Variants in EGFR observed in about 807,000 individuals in gnomAD.
EGFR encodes the protein epidermal growth factor receptor.
EGFR carries 58 observed loss-of-function variants against 143.0 expected under a neutral mutation model. The observed-to-expected ratio is 0.41, with a 90% confidence interval of 0.33 to 0.50. The LOEUF is 0.50. EGFR is among the 20% of genes least tolerant of loss of function. EGFR has a pLI of 0.39. For synonymous variants in EGFR, 613 were observed against 594.4 expected, an observed-to-expected ratio of 1.03 and a Z score of -0.45; for missense variants, 1,307 against 1,579.0, an observed-to-expected ratio of 0.83 and a Z score of 2.92.
intron 12 of EGFR, among the ~76,000 whole-genome samples, chr7:55,160,725 G>T (rs1347254378): frequency 1.3e-5 from 2 of 152,314 alleles, no homozygotes; most frequent in South Asian, 2.1e-4. Flanking sequence ...TCCTGTTCTG[G>T]CTCTAGAGCC....
At chr7:55,121,522 G>T (rs17172445) in intron 1 of EGFR, among the ~76,000 whole-genome samples, 3,395 of 152,332 alleles carry the variant, frequency 0.022, 55 homozygotes, top group Middle Eastern at 0.044. Context: ...ATTTGTCCTA[G>T]TAGCCAGCAG....
chr7:55,206,207 G>A lies in EGFR; in HGVS notation c.*590G>A, dbSNP rs1002622880. 25 of 241,280 alleles carry A rather than the reference G, an allele frequency of 1.0e-4. No homozygotes were observed. The highest frequency in any genetic ancestry group is 5.5e-4 in the African/African-American group (25 of 45,252). 14.9% of individuals were successfully genotyped at this position (241,280 alleles called of 1,614,324 possible). On this transcript the variant is annotated 3_prime_UTR_variant, in exon 28 of 28. Coordinates refer to ENST00000275493, the MANE Select transcript of EGFR (RefSeq NM_005228.5). The stretch of plus-strand genomic sequence containing the variant: ...TATCAAGTCATGGCAGGTACAGTAG[G>A]ATAAGCCACTCTGTCCCTTCCTGGG...
At chr7:55,135,514 G>T (rs1794085117) in intron 1 of EGFR, among the ~76,000 whole-genome samples, 1 of 152,092 alleles carries the variant, frequency 6.6e-6, no homozygotes, top group East Asian at 1.9e-4. Flanking sequence ...ATAAAATAGG[G>T]TAAAATAAGG....
At chr7:55,074,862 CA>C (rs1790047086) in intron 1 of EGFR, among the ~76,000 whole-genome samples, 1 of 152,206 alleles carries the variant, frequency 6.6e-6, no homozygotes, top group South Asian at 2.1e-4. Context: ...ATCATTTCAA[CA>C]AAACATTATT....
At chr7:55,034,034 G>A (rs1331718082) in intron 1 of EGFR, among the ~76,000 whole-genome samples, 2 of 151,954 alleles carry the variant, frequency 1.3e-5, no homozygotes, top group Non-Finnish European at 1.5e-5. Flanking sequence ...AGCAGACATG[G>A]CAATGATGGC....
At chr7:55,202,727 C>T in intron 27 of EGFR, 102 bp downstream of exon 27, 1 of 1,056,390 alleles carries the variant, frequency 9.5e-7, no homozygotes, top group Non-Finnish European at 1.4e-6. Context: ...TCCAGCATCT[C>T]CAGAGGGGGA....
intron 2 of EGFR, among the ~76,000 whole-genome samples, chr7:55,142,958 T>C (rs142716455): frequency 5.3e-5 from 8 of 152,368 alleles, no homozygotes; most frequent in African/African-American, 1.9e-4. Flanking sequence ...TTACCTTTCC[T>C]TTTTAAATAA....
intron 1 of EGFR, among the ~76,000 whole-genome samples, chr7:55,077,867 T>C (rs1790220767): frequency 6.6e-6 from 1 of 152,156 alleles, no homozygotes; most frequent in African/African-American, 2.4e-5. Context: ...TCCGAAGAGC[T>C]GGACATTGAA....
intron 27 of EGFR, among the ~76,000 whole-genome samples, chr7:55,203,324 TAC>T (rs561535097): frequency 2.4e-5 from 3 of 122,850 alleles, no homozygotes; most frequent in East Asian, 2.7e-4. Context: ...ACACACCACA[TAC>T]ACACACGTAT....
chr7:55,181,753 T>G, intron 20 of EGFR: 1 of 516,804 alleles, frequency 1.9e-6, no homozygotes, highest in Non-Finnish European at 3.5e-6. Flanking sequence ...TCTCTGTTCT[T>G]ATTTCTCTGG....
At chr7:55,114,774 A>G (rs943762847) in intron 1 of EGFR, among the ~76,000 whole-genome samples, 1 of 152,052 alleles carries the variant, frequency 6.6e-6, no homozygotes, top group African/African-American at 2.4e-5. Context: ...TTCTGGCATT[A>G]CAAAAAATTC....
At chr7:55,057,478 C>T (rs1788898704) in intron 1 of EGFR, among the ~76,000 whole-genome samples, 1 of 152,220 alleles carries the variant, frequency 6.6e-6, no homozygotes, top group African/African-American at 2.4e-5. Context: ...AAAACTCCAT[C>T]TACTCTTCCA....
chr7:55,157,426 C>G (rs1385813784), intron 10 of EGFR, among the ~76,000 whole-genome samples: 2 of 152,194 alleles, frequency 1.3e-5, no homozygotes, highest in Admixed American at 6.5e-5. Flanking sequence ...GCCAGGGGGG[C>G]GGCGGGAGAC....
In EGFR at chr7:55,205,889, G is replaced by T; in HGVS notation, c.*272G>T. 2.0e-6 allele frequency: 1 copy of T among 489,314 alleles called. No homozygotes were observed. The highest frequency in any genetic ancestry group is 3.6e-6 in the Non-Finnish European group (1 of 281,396). 30.3% of individuals were successfully genotyped at this position (489,314 alleles called of 1,614,324 possible). On this transcript the variant is annotated 3_prime_UTR_variant, in exon 28 of 28. Coordinates refer to ENST00000275493, the MANE Select transcript of EGFR (RefSeq NM_005228.5). ...TGAGCAGAAATTTATCTTTCAAAGA[G>T]GTATATTTGAAAAAAAAAAAAAGTA... is the stretch of plus-strand genomic sequence containing the variant.
rs778011429 is a variant in EGFR at position 55,165,338 on chromosome 7, C to G, written c.1781C>G (p.Thr594Ser). ...HYIDGPHCVK[T>S]CPAGVMGENN... is the part of the protein sequence containing the mutation. ...ATTGACGGCCCCCACTGCGTCAAGA[C>G]CTGCCCGGCAGGAGTCATGGGAGAA... Residue 594 changes from threonine to serine, a missense_variant, in exon 15 of 28, where the codon ACC (threonine) becomes AGC (serine). Physicochemically the swap from Thr to Ser is moderately conservative, Grantham distance 58 (BLOSUM62 1). Transcript: ENST00000275493. 6.2e-7 allele frequency: 1 copy of G among 1,614,206 alleles called. No individual in the cohort carries two copies. The highest frequency in any genetic ancestry group is 1.3e-5 in the African/African-American group (1 of 75,058).
chr7:55,128,887 T>G (rs1793682183), intron 1 of EGFR, among the ~76,000 whole-genome samples: 1 of 152,228 alleles, frequency 6.6e-6, no homozygotes, highest in Non-Finnish European at 1.5e-5. Context: ...GGAATACAGA[T>G]TCCATTTTCA....
chr7:55,166,585 G>T (rs1013417919), intron 15 of EGFR, among the ~76,000 whole-genome samples: 16 of 152,132 alleles, frequency 1.1e-4, no homozygotes, highest in African/African-American at 3.9e-4. Context: ...TGAGGAGGTG[G>T]GAGTCACAAT....
rs141263649 is a variant in EGFR, at chr7:55,112,768, C to A, written c.89-29518C>A. Among the ~76,000 whole-genome samples the A allele has an allele frequency of 3.3e-3, 500 of 152,276 alleles. 4 individuals are homozygous for A. The highest frequency in any genetic ancestry group is 0.012 in the African/African-American group (487 of 41,556). On this transcript the variant is annotated intron_variant, in intron 1 of 27. Coordinates refer to ENST00000275493, the MANE Select transcript of EGFR (RefSeq NM_005228.5). ...AATTGCTGTCGGAGGGCTCTGTAACCGGCCAAGGTCACACAGGTAGCCATT... is the reference window on the plus strand; with the variant it reads ...AATTGCTGTCGGAGGGCTCTGTAACAGGCCAAGGTCACACAGGTAGCCATT...
intron 15 of EGFR, among the ~76,000 whole-genome samples, chr7:55,168,158 G>A (rs999718950): frequency 3.3e-5 from 5 of 152,208 alleles, no homozygotes; most frequent in Non-Finnish European, 2.9e-5. Context: ...ATGAAGCATG[G>A]TATAAAAGAT....
Sources: allele counts gnomAD v4.1 joint callset (sites outside exome capture counted in the v4.1 genomes callset), GRCh38; gene constraint gnomAD v4.1.1; transcripts MANE v1.5; gene names NCBI Gene and HGNC (gene_info 2026-07-23, HGNC 2026-07-21).